GABRG3: variants seen among roughly 807,000 people sequenced by gnomAD.
The protein encoded by GABRG3 is gamma-aminobutyric acid type A receptor subunit gamma3, also known as gamma-aminobutyric acid receptor subunit gamma-3.
Under a neutral mutation model 48.8 loss-of-function variants are expected in GABRG3, and 25 were observed. That is an observed-to-expected ratio of 0.51 (90% CI 0.37 to 0.72). The LOEUF (loss-of-function observed/expected upper bound fraction) is 0.72, where lower values mean the gene tolerates loss of function less well. Among genes scored for constraint, GABRG3 ranks in the 30% least tolerant of loss-of-function variants. GABRG3 has a pLI of 0.00. For synonymous variants in GABRG3, 227 were observed against 217.6 expected, an observed-to-expected ratio of 1.04 and a Z score of -0.38; for missense variants, 394 against 577.9, an observed-to-expected ratio of 0.68 and a Z score of 3.26.
chr15:27,309,106 G>A (rs959267866), intron 3 of GABRG3, among the ~76,000 whole-genome samples: 1 of 150,166 alleles, frequency 6.7e-6, no homozygotes, highest in South Asian at 2.1e-4. Context: ...AAACACAGAT[G>A]TTTATATAGA....
At chr15:27,084,838 G>T (rs956089674) in intron 3 of GABRG3, among the ~76,000 whole-genome samples, 3 of 152,170 alleles carry the variant, frequency 2.0e-5, no homozygotes, top group Non-Finnish European at 4.4e-5. Context: ...CTGAAGAGCT[G>T]CTTCCTGGGC....
intron 6 of GABRG3, among the ~76,000 whole-genome samples, chr15:27,508,688 T>C (rs1253436247): frequency 1.3e-5 from 2 of 152,092 alleles, no homozygotes; most frequent in Admixed American, 1.3e-4. Context: ...CAGTTTTTTT[T>C]GTTTTGTTTT....
At chr15:27,098,465 A>G (rs1897302896) in intron 3 of GABRG3, among the ~76,000 whole-genome samples, 1 of 152,170 alleles carries the variant, frequency 6.6e-6, no homozygotes, top group African/African-American at 2.4e-5. Context: ...TACACAAAAA[A>G]ACTGAATGTC....
chr15:27,347,815 G>A (rs964730765), intron 5 of GABRG3, among the ~76,000 whole-genome samples: 4 of 152,106 alleles, frequency 2.6e-5, no homozygotes, highest in Non-Finnish European at 5.9e-5. Context: ...ACCAGCTTAT[G>A]ACTCCTGCAG....
intron 5 of GABRG3, among the ~76,000 whole-genome samples, chr15:27,459,354 C>T (rs973954139): frequency 6.6e-6 from 1 of 152,122 alleles, no homozygotes; most frequent in Non-Finnish European, 1.5e-5. Flanking sequence ...AGGAGTTTTC[C>T]AAAAGGAAAG....
At chr15:27,340,239 T>C (rs937646273) in intron 5 of GABRG3, among the ~76,000 whole-genome samples, 1 of 152,144 alleles carries the variant, frequency 6.6e-6, no homozygotes, top group Admixed American at 6.6e-5. Flanking sequence ...CAGGAGCGGG[T>C]GCGAGGGATA....
chr15:26,987,032 C>T (rs959708526), intron 2 of GABRG3, among the ~76,000 whole-genome samples: 3 of 152,116 alleles, frequency 2.0e-5, no homozygotes, highest in Non-Finnish European at 2.9e-5. Context: ...CCAAGGTGGG[C>T]GGATCACGAG....
chr15:27,079,669 G>C (rs1360860383), intron 3 of GABRG3, among the ~76,000 whole-genome samples: 6 of 152,002 alleles, frequency 3.9e-5, no homozygotes, highest in African/African-American at 7.2e-5. Flanking sequence ...ACCCAGCCTC[G>C]GGCCTTCTAT....
chr15:27,222,406 A>G (rs1375657569), intron 3 of GABRG3, among the ~76,000 whole-genome samples: 1 of 152,234 alleles, frequency 6.6e-6, no homozygotes, highest in Non-Finnish European at 1.5e-5. Context: ...TATAATTACT[A>G]TTAATATGAT....
chr15:27,500,367 G>A (rs1024573997), intron 6 of GABRG3, among the ~76,000 whole-genome samples: 3 of 152,078 alleles, frequency 2.0e-5, no homozygotes, highest in Non-Finnish European at 4.4e-5. Context: ...GAGGAGAACC[G>A]CCCTGACTTC....
intron 2 of GABRG3, among the ~76,000 whole-genome samples, chr15:26,983,084 G>T (rs965196287): frequency 7.2e-5 from 11 of 151,872 alleles, no homozygotes; most frequent in Non-Finnish European, 1.0e-4. Context: ...TTCTTTCATG[G>T]CTCAGAAGGG....
chr15:27,214,476 G>C, intron 3 of GABRG3, among the ~76,000 whole-genome samples: 1 of 152,254 alleles, frequency 6.6e-6, no homozygotes, highest in Non-Finnish European at 1.5e-5. Context: ...GATAGCCTCT[G>C]ACTTAACTTT....
chr15:27,150,057 T>C (rs1158723821), intron 3 of GABRG3, among the ~76,000 whole-genome samples: 1 of 152,242 alleles, frequency 6.6e-6, no homozygotes, highest in Admixed American at 6.5e-5. Flanking sequence ...GAGATAACGT[T>C]AGAAACTCAA....
At chr15:27,360,653 G>GACA (rs1263219539) in intron 5 of GABRG3, among the ~76,000 whole-genome samples, 2 of 152,112 alleles carry the variant, frequency 1.3e-5, no homozygotes, top group Non-Finnish European at 2.9e-5. Context: ...CCTTGGGTTG[G>GACA]ACACTCCCCT....
rs538053458 is a variant in GABRG3, at chr15:27,308,736, C to T, written c.271-18073C>T. ...TATATGTAAACATAATGTAAACATACGTTTATATGTAAACATATAATGTAA... is the reference window on the plus strand; with the variant it reads ...TATATGTAAACATAATGTAAACATATGTTTATATGTAAACATATAATGTAA... On this transcript the variant is annotated intron_variant, in intron 3 of 9. Coordinates refer to ENST00000615808, the MANE Select transcript of GABRG3 (RefSeq NM_033223.5). 8.1e-5 allele frequency among the ~76,000 whole-genome samples: 12 copies of T among 148,764 alleles called. 1 individual carries two copies. Among genetic ancestry groups the T allele is most frequent in the South Asian group, 6.6e-4 (3 of 4,574 alleles).
intron 3 of GABRG3, among the ~76,000 whole-genome samples, chr15:27,216,010 A>G (rs990545714): frequency 6.6e-6 from 1 of 152,204 alleles, no homozygotes; most frequent in African/African-American, 2.4e-5. Context: ...CACTTAATGA[A>G]TGGAAGGAAT....
chr15:27,451,089 C>CA (rs1889097893), intron 5 of GABRG3, among the ~76,000 whole-genome samples: 1 of 152,060 alleles, frequency 6.6e-6, no homozygotes, highest in African/African-American at 2.4e-5. Flanking sequence ...TTAATATTGT[C>CA]AAAACGTTCA....
At chr15:27,402,401 G>A (rs1887500028) in intron 5 of GABRG3, among the ~76,000 whole-genome samples, 2 of 152,198 alleles carry the variant, frequency 1.3e-5, no homozygotes, top group South Asian at 4.1e-4. Context: ...ATGGATATCA[G>A]CATTTTAAGC....
chr15:27,517,379 A>T (rs1376160438), intron 6 of GABRG3, among the ~76,000 whole-genome samples: 1 of 152,226 alleles, frequency 6.6e-6, no homozygotes, highest in Non-Finnish European at 1.5e-5. Flanking sequence ...CAAAGCACCC[A>T]TGTCTGGGAA....
Sources: gnomAD v4.1 joint callset for allele counts (sites outside exome capture counted in the v4.1 genomes callset) on GRCh38, gnomAD v4.1.1 for gene constraint, MANE v1.5 for transcripts, NCBI Gene and HGNC (gene_info 2026-07-23, HGNC 2026-07-21) for gene names.